The following CPNE8 variants were observed in gnomAD, a reference collection of about 807,000 sequenced individuals.
CPNE8 encodes copine 8, also known as copine-8.
Under a neutral mutation model 81.5 loss-of-function variants are expected in CPNE8, and 45 were observed. The observed-to-expected ratio is 0.55, with a 90% CI of 0.44 to 0.71. The LOEUF (loss-of-function observed/expected upper bound fraction) is 0.71. Among genes scored for constraint, CPNE8 ranks in the 30% least tolerant of loss-of-function variants. The pLI is 0.00. For missense variants in CPNE8, 594 were observed against 672.1 expected (o/e 0.88, Z 1.28); for synonymous variants, 252 against 226.3 (o/e 1.11, Z -1.02).
Position 38,877,836 on chromosome 12 carries a change from A to G in CPNE8, c.99-3325T>C, listed in dbSNP as rs182845478. ...AGCAACTCCATCTTGAATAGGGGCT[A>G]GGTAAAATAAGGCTGAGACCTGCTA... On this transcript the variant is annotated intron_variant, in intron 1 of 19. Coordinates refer to ENST00000331366, the MANE Select transcript of CPNE8 (RefSeq NM_153634.3). Among the ~76,000 whole-genome samples the G allele has an allele frequency of 1.2e-4, 18 of 152,300 alleles. No individual in the cohort carries two copies. The East Asian group carries it at 3.5e-3, about 29-fold the overall frequency.
intron 10 of CPNE8, among the ~76,000 whole-genome samples, chr12:38,740,129 G>A (rs1941059076): frequency 6.6e-6 from 1 of 152,086 alleles, no homozygotes; most frequent in African/African-American, 2.4e-5. Flanking sequence ...TTGTAAGTTG[G>A]ATTCCTAGGT....
chr12:38,658,382 A>G (rs940090067), intron 19 of CPNE8, among the ~76,000 whole-genome samples: 1 of 152,244 alleles, frequency 6.6e-6, no homozygotes, highest in Admixed American at 6.5e-5. Flanking sequence ...CAAAGCCTCC[A>G]AGAAATATGA....
At chr12:38,711,957 A>C (rs1377776635) in intron 13 of CPNE8, among the ~76,000 whole-genome samples, 6 of 152,184 alleles carry the variant, frequency 3.9e-5, no homozygotes, top group Non-Finnish European at 7.3e-5. Context: ...TATTTATAGA[A>C]GGCAGAATGG....
chr12:38,905,580 C>T lies in CPNE8; in HGVS notation c.-46G>A. The T allele has an allele frequency of 6.5e-7, 1 of 1,541,318 alleles. No homozygotes were observed. Among genetic ancestry groups the T allele is most frequent in the Non-Finnish European group, 8.7e-7 (1 of 1,145,130 alleles). The stretch of plus-strand genomic sequence containing the variant: ...ACTTGTCCGGCGCCCACAACCACAG[C>T]TCGGGCGGACTGAGGGCTAGCTCCC... On this transcript the variant is annotated 5_prime_UTR_variant, in exon 1 of 20. Coordinates refer to ENST00000331366, the MANE Select transcript of CPNE8 (RefSeq NM_153634.3).
At chr12:38,784,322 G>A (rs1942124011) in intron 6 of CPNE8, among the ~76,000 whole-genome samples, 1 of 151,662 alleles carries the variant, frequency 6.6e-6, no homozygotes, top group South Asian at 2.1e-4. Flanking sequence ...ATTCAGAGAA[G>A]ACAAAAGAAA....
intron 10 of CPNE8, among the ~76,000 whole-genome samples, chr12:38,754,773 A>G (rs1192666330): frequency 6.6e-6 from 1 of 152,118 alleles, no homozygotes; most frequent in Non-Finnish European, 1.5e-5. Context: ...TCAATGAATC[A>G]CATATAGATT....
At chr12:38,714,888 C>T (rs551658783) in intron 13 of CPNE8, among the ~76,000 whole-genome samples, 9 of 152,030 alleles carry the variant, frequency 5.9e-5, no homozygotes, top group Non-Finnish European at 7.4e-5. Context: ...ACTAAACTAA[C>T]GGAAGTGTAT....
intron 6 of CPNE8, among the ~76,000 whole-genome samples, chr12:38,793,356 T>A (rs559156293): frequency 5.8e-5 from 8 of 138,690 alleles, no homozygotes; most frequent in African/African-American, 2.3e-4. Flanking sequence ...ACACACACAC[T>A]GTTAGAACTA....
Position 38,902,454 on chromosome 12 carries a change from G to A in CPNE8, c.98+2983C>T, listed in dbSNP as rs141582936. ...GAAAGAAAGGAGAGAGAGAAAGAAA[G>A]ATAAAGAATGAGAAAGAAAGAACCT... On this transcript the variant is annotated intron_variant, in intron 1 of 19. Coordinates refer to ENST00000331366, the MANE Select transcript of CPNE8 (RefSeq NM_153634.3). Among the ~76,000 whole-genome samples, 226 of 151,370 alleles carry A rather than the reference G, an allele frequency of 1.5e-3. 4 individuals carry two copies. The highest frequency in any genetic ancestry group is 4.9e-3 in the African/African-American group (202 of 40,850).
chr12:38,685,812 GATA>G (rs775338705), intron 15 of CPNE8, 195 bp from the exon 16 acceptor site: 2 of 432,218 alleles, frequency 4.6e-6, no homozygotes, highest in Non-Finnish European at 8.2e-6. Context: ...ATATTATGTA[GATA>G]ATAACATGAT....
At chr12:38,861,884 A>T (rs1300352424) in intron 3 of CPNE8, among the ~76,000 whole-genome samples, 1 of 150,088 alleles carries the variant, frequency 6.7e-6, no homozygotes, top group Non-Finnish European at 1.5e-5. Context: ...TACTTACAGA[A>T]TTAAGACTAA....
At chr12:38,709,518 G>T (rs1039914932) in intron 13 of CPNE8, among the ~76,000 whole-genome samples, 3 of 152,144 alleles carry the variant, frequency 2.0e-5, no homozygotes, top group Non-Finnish European at 4.4e-5. Context: ...TCAATCTTCT[G>T]CAGCTCACTT....
chr12:38,830,979 T>C (rs932059519), intron 5 of CPNE8, among the ~76,000 whole-genome samples: 10 of 152,110 alleles, frequency 6.6e-5, no homozygotes, highest in East Asian at 1.9e-4. Flanking sequence ...GTAAAAACTA[T>C]GTTCTTCAGT....
At chr12:38,704,840 A>G (rs200450641) in intron 13 of CPNE8, among the ~76,000 whole-genome samples, 5,271 of 123,214 alleles carry the variant, frequency 0.043, 798 homozygotes, top group East Asian at 0.34. Flanking sequence ...ATATATATAT[A>G]TATATATATA....
chr12:38,684,502 A>G (rs1939488610), intron 16 of CPNE8, among the ~76,000 whole-genome samples: 1 of 152,122 alleles, frequency 6.6e-6, no homozygotes, highest in South Asian at 2.1e-4. Context: ...ACACTCAGAG[A>G]AAAGTCATCA....
intron 6 of CPNE8, among the ~76,000 whole-genome samples, chr12:38,820,208 C>T (rs1209552254): frequency 6.6e-6 from 1 of 152,008 alleles, no homozygotes; most frequent in Admixed American, 6.6e-5. Flanking sequence ...AGTTCAAGAT[C>T]AGCCTCGCCA....
chr12:38,802,900 A>T (rs1365336968), intron 6 of CPNE8, among the ~76,000 whole-genome samples: 1 of 149,432 alleles, frequency 6.7e-6, no homozygotes, highest in Admixed American at 6.7e-5. Context: ...TAAACTAGAA[A>T]ATCTAGAAGA....
Position 38,767,739 on chromosome 12 carries a change from CT to C in CPNE8, c.472-2del, listed in dbSNP as rs778752720. 5 of 1,525,226 alleles carry C rather than the reference CT, an allele frequency of 3.3e-6. No homozygotes were observed. The highest frequency in any genetic ancestry group is 4.4e-6 in the Non-Finnish European group (5 of 1,139,896). The allele number at this position is 1,525,226 out of a possible 1,614,324, so 94.5% of individuals were successfully genotyped here. ...CACAAAATTGCATCAAAACGGCATCCTAAAAACAAAATTAATAAAACAGTTC... is the reference window on the plus strand; with the variant it reads ...CACAAAATTGCATCAAAACGGCATCCAAAAACAAAATTAATAAAACAGTTC... On this transcript the variant is annotated splice_acceptor_variant, in intron 7 of 19. Coordinates refer to ENST00000331366, the MANE Select transcript of CPNE8 (RefSeq NM_153634.3). LOFTEE classifies it high-confidence loss of function.
intron 15 of CPNE8, among the ~76,000 whole-genome samples, chr12:38,685,994 T>C (rs920241431): frequency 6.6e-6 from 1 of 152,126 alleles, no homozygotes; most frequent in Admixed American, 6.6e-5. Flanking sequence ...AAAACCAACG[T>C]ATTAATAGTG....
Sources: gnomAD v4.1 joint callset for allele counts (sites outside exome capture counted in the v4.1 genomes callset) on GRCh38, gnomAD v4.1.1 for gene constraint, MANE v1.5 for transcripts, NCBI Gene and HGNC (gene_info 2026-07-23, HGNC 2026-07-21) for gene names.